TMEM131L: variants seen among roughly 807,000 people sequenced by gnomAD.
TMEM131L encodes transmembrane protein 131-like.
Under a neutral mutation model 192.2 loss-of-function variants are expected in TMEM131L, and 54 were observed. The observed-to-expected ratio is 0.28, with a 90% CI of 0.23 to 0.35. The LOEUF is 0.35. Ranked by LOEUF, TMEM131L falls within the 10% of genes least tolerant of loss-of-function variation. TMEM131L has a pLI of 1.00. For missense variants in TMEM131L, 1,888 were observed against 1,972.9 expected, an observed-to-expected ratio of 0.96 and a Z score of 0.82; for synonymous variants, 701 against 704.9, an observed-to-expected ratio of 0.99 and a Z score of 0.09.
chr4:153,620,783 C>T lies in TMEM131L; in HGVS notation c.3595C>T (p.Leu1199Phe), dbSNP rs200992906. ...AGAAGATCCTTATAGGAAGAAAAAG[C>T]TTCAGGAGAAAAGAGAAGGAAATTT... ...EQEDPYRKKK[L>F]QEKREGNLQN... The change falls in exon 27 of 35, where the codon CTT (leucine) becomes TTT (phenylalanine). Residue 1199 changes from leucine to phenylalanine, a missense_variant. Leu to Phe is a conservative substitution (Grantham distance 22). Transcript: ENST00000409959. 1,701 of 1,559,498 alleles carry T rather than the reference C, an allele frequency of 1.1e-3. 3 individuals carry two copies. The highest frequency in any genetic ancestry group is 1.4e-3 in the Non-Finnish European group (1,599 of 1,141,172).
chr4:153,498,171 C>G (rs952546213), intron 3 of TMEM131L, among the ~76,000 whole-genome samples: 1 of 152,192 alleles, frequency 6.6e-6, no homozygotes, highest in East Asian at 1.9e-4. Flanking sequence ...TTGCTTTATT[C>G]ACAAATGATG....
chr4:153,522,649 T>A (rs1440683728), intron 3 of TMEM131L, among the ~76,000 whole-genome samples: 4 of 152,204 alleles, frequency 2.6e-5, no homozygotes. Context: ...TTATTTCTTA[T>A]TTTTTATCCC....
intron 3 of TMEM131L, among the ~76,000 whole-genome samples, chr4:153,514,327 T>C (rs573514979): frequency 5.3e-5 from 8 of 152,234 alleles, no homozygotes; most frequent in African/African-American, 1.4e-4. Context: ...TTATTGCCCA[T>C]GTTTCTCTTG....
chr4:153,602,233 C>T lies in TMEM131L; in HGVS notation c.2348C>T (p.Ser783Leu), dbSNP rs751141940. 3.7e-6 allele frequency: 6 copies of T among 1,612,892 alleles called. 1 individual carries two copies. Among genetic ancestry groups the T allele is most frequent in the East Asian group, 2.2e-5 (1 of 44,864 alleles). Residue 783 changes from serine to leucine, a missense_variant, in exon 22 of 35, where the codon TCG (serine) becomes TTG (leucine). Transcript: ENST00000409959. ...ATTGGACCTCTTCCTATAACTGTTT[C>T]GTCTCTGAAAATTAATGGGTATAAC... ...ENIGPLPITV[S>L]SLKINGYNCQ...
intron 2 of TMEM131L, among the ~76,000 whole-genome samples, chr4:153,469,833 G>T (rs772106657): frequency 6.6e-6 from 1 of 152,104 alleles, no homozygotes; most frequent in Non-Finnish European, 1.5e-5. Context: ...GGCTGAGGCA[G>T]GAGAATTGCT....
At chr4:153,581,702 G>T in intron 9 of TMEM131L, 142 bp downstream of exon 9, 1 of 491,986 alleles carries the variant, frequency 2.0e-6, no homozygotes, top group Non-Finnish European at 3.3e-6. Context: ...GTAGTAACTG[G>T]TTCTCAACCT....
Position 153,604,220 on chromosome 4 carries a change from C to T in TMEM131L, c.3208C>T (p.Pro1070Ser). Residue 1070 changes from proline to serine, a missense_variant, in exon 25 of 35, where the codon CCT becomes TCT. Physicochemically the swap from Pro to Ser is moderately conservative, Grantham distance 74. Coordinates refer to ENST00000409959, the MANE Select transcript of TMEM131L (RefSeq NM_001131007.2). ...TLKNTIVFSN[P>S]SSECSMKEGI... ...GAAAAACACAATTGTTTTCAGTAAT[C>T]CTTCTTCAGAATGTAGTATGAAGGA... 6.2e-7 allele frequency: 1 copy of T among 1,614,034 alleles called. No individual in the cohort carries two copies. The highest frequency in any genetic ancestry group is 8.5e-7 in the Non-Finnish European group (1 of 1,179,944).
chr4:153,473,441 G>T (rs1413809633), intron 2 of TMEM131L, among the ~76,000 whole-genome samples: 3 of 152,168 alleles, frequency 2.0e-5, no homozygotes, highest in Admixed American at 2.0e-4. Flanking sequence ...TCCCGTGAGT[G>T]GGTAGGTCTT....
intron 25 of TMEM131L, among the ~76,000 whole-genome samples, chr4:153,611,336 A>G (rs896566735): frequency 6.6e-6 from 1 of 152,242 alleles, no homozygotes; most frequent in African/African-American, 2.4e-5. Flanking sequence ...AAATAAGAAA[A>G]CTAAGGCACA....
In TMEM131L at chr4:153,576,248, C is replaced by T. The variant is rs984078165; in HGVS notation, c.661-4578C>T. Among the ~76,000 whole-genome samples, 3 of 152,150 alleles carry T rather than the reference C, an allele frequency of 2.0e-5. 1 individual carries two copies. The South Asian group carries it at 6.2e-4, about 31-fold the overall frequency. ...GTGCTGGGATTACAGGCGTTGGCCACCGCGCCCGGCCCAATTGTTTTGTTC... is the reference window on the plus strand; with the variant it reads ...GTGCTGGGATTACAGGCGTTGGCCATCGCGCCCGGCCCAATTGTTTTGTTC... On this transcript the variant is annotated intron_variant, in intron 7 of 34. Transcript: ENST00000409959.
chr4:153,631,826 T>C (rs1362322764), intron 31 of TMEM131L, among the ~76,000 whole-genome samples: 2 of 152,088 alleles, frequency 1.3e-5, no homozygotes, highest in African/African-American at 4.8e-5. Context: ...TCTTCCACTT[T>C]CCCCTCTCCT....
chr4:153,490,037 C>A (rs1400212473), intron 3 of TMEM131L, among the ~76,000 whole-genome samples: 4 of 151,814 alleles, frequency 2.6e-5, no homozygotes, highest in Non-Finnish European at 5.9e-5. Flanking sequence ...TGTTGGTTTG[C>A]CAGGAGAATC....
intron 7 of TMEM131L, among the ~76,000 whole-genome samples, chr4:153,574,305 T>A (rs1318455764): frequency 2.0e-5 from 3 of 147,858 alleles, no homozygotes. Context: ...ATCTGAGGAA[T>A]AAAAGGGTAG....
chr4:153,532,984 CT>C lies in TMEM131L; in HGVS notation c.240-17071del, dbSNP rs70963190. 4.4e-3 allele frequency among the ~76,000 whole-genome samples: 574 copies of C among 129,646 alleles called. 2 individuals are homozygous for C. The highest frequency in any genetic ancestry group is 8.2e-3 in the African/African-American group (287 of 34,824). 85.1% of individuals were successfully genotyped at this position (129,646 alleles called of 152,430 possible). A position where few individuals can be genotyped will look rare whatever the true frequency, so the allele number is the denominator to read the frequency against. ...TAGGGATTCTCTCTCTTTCTCAATT[CT>C]TTTTTTTTTTTTTTTTTGAGACAGA... is the stretch of plus-strand genomic sequence containing the variant. On this transcript the variant is annotated intron_variant, in intron 3 of 34. Coordinates refer to ENST00000409959, the MANE Select transcript of TMEM131L (RefSeq NM_001131007.2).
At chr4:153,591,259 C>T in intron 17 of TMEM131L, 65 bp downstream of exon 17, 1 of 1,429,110 alleles carries the variant, frequency 7.0e-7, no homozygotes. Flanking sequence ...TTTCAAAGTA[C>T]CAGATTGTGT....
chr4:153,566,843 C>T (rs1173752467), intron 7 of TMEM131L, among the ~76,000 whole-genome samples: 1 of 152,208 alleles, frequency 6.6e-6, no homozygotes, highest in African/African-American at 2.4e-5. Flanking sequence ...TCTGGATATT[C>T]TGTGTGATAT....
chr4:153,576,548 A>G (rs1483310059), intron 7 of TMEM131L, among the ~76,000 whole-genome samples: 1 of 152,170 alleles, frequency 6.6e-6, no homozygotes, highest in Non-Finnish European at 1.5e-5. Context: ...TAGGGTTGTT[A>G]ATTGTGTCAA....
At chr4:153,518,251 G>A (rs1734870623) in intron 3 of TMEM131L, among the ~76,000 whole-genome samples, 1 of 152,164 alleles carries the variant, frequency 6.6e-6, no homozygotes, top group African/African-American at 2.4e-5. Flanking sequence ...CTGAACACTT[G>A]CACATTAAAA....
At chr4:153,477,242 T>C (rs1335200539) in intron 3 of TMEM131L, among the ~76,000 whole-genome samples, 3 of 152,178 alleles carry the variant, frequency 2.0e-5, no homozygotes, top group Non-Finnish European at 4.4e-5. Flanking sequence ...AATCAGGAAC[T>C]GTGTTCGGCT....
Sources: gnomAD v4.1 joint callset for allele counts (sites outside exome capture counted in the v4.1 genomes callset) on GRCh38, gnomAD v4.1.1 for gene constraint, MANE v1.5 for transcripts, NCBI Gene and HGNC (gene_info 2026-07-23, HGNC 2026-07-21) for gene names.